The following TET1 variants were observed in gnomAD, a reference collection of about 807,000 sequenced individuals.
The protein encoded by TET1 is tet methylcytosine dioxygenase 1, also known as methylcytosine dioxygenase TET1.
Under a neutral mutation model 148.7 loss-of-function variants are expected in TET1, and 13 were observed. That is an observed-to-expected ratio of 0.09 (90% CI 0.06 to 0.14). The LOEUF (loss-of-function observed/expected upper bound fraction) is 0.14, where lower values mean the gene tolerates loss of function less well. Ranked by LOEUF, TET1 falls within the 10% of genes least tolerant of loss-of-function variation. The pLI is 1.00. For missense variants in TET1, 2,182 were observed against 2,553.8 expected, an observed-to-expected ratio of 0.85 and a Z score of 3.14; for synonymous variants, 907 against 937.2, an observed-to-expected ratio of 0.97 and a Z score of 0.59.
intron 8 of TET1, among the ~76,000 whole-genome samples, chr10:68,680,410 A>G (rs886878522): frequency 1.4e-4 from 22 of 152,122 alleles, no homozygotes; most frequent in African/African-American, 5.3e-4. Flanking sequence ...GCTTGATATC[A>G]TCTCTTGATC....
rs879291121 is a variant in TET1 at position 68,691,875 on chromosome 10, A to G, written c.*61A>G. On this transcript the variant is annotated 3_prime_UTR_variant, in exon 12 of 12. Coordinates refer to ENST00000373644, the MANE Select transcript of TET1 (RefSeq NM_030625.3). The surrounding 1 kb of genome is among the most constrained non-coding windows in gnomAD (Gnocchi z 4.4). ...CAGTGTATTTTTTCAAGGTGCTGTT[A>G]AAAGAAAGTCATGTTGTCGTTTACT... 3 of 1,517,956 alleles carry G rather than the reference A, an allele frequency of 2.0e-6. No homozygotes were observed. The highest frequency in any genetic ancestry group is 2.6e-6 in the Non-Finnish European group (3 of 1,133,724). The allele number at this position is 1,517,956 out of a possible 1,614,324, so 94.0% of individuals were successfully genotyped here.
chr10:68,631,487 TAGAC>T (rs2133028722), intron 3 of TET1, among the ~76,000 whole-genome samples: 1 of 148,102 alleles, frequency 6.8e-6, no homozygotes, highest in East Asian at 2.0e-4. Context: ...TTTGCCATGT[TAGAC>T]AGGATGATCT....
At chr10:68,663,247 G>A (rs1398793503) in intron 6 of TET1, among the ~76,000 whole-genome samples, 1 of 152,182 alleles carries the variant, frequency 6.6e-6, no homozygotes, top group Non-Finnish European at 1.5e-5. Flanking sequence ...TTTGTGGCTA[G>A]ACATTTAGGG....
intron 3 of TET1, among the ~76,000 whole-genome samples, chr10:68,611,679 T>C (rs199795073): frequency 0.37 from 29,137 of 77,882 alleles, 3,159 homozygotes; most frequent in African/African-American, 0.42. Context: ...CTTTTCTTTC[T>C]TTTCTTTTCT....
chr10:68,588,435 G>T (rs1210667894), intron 2 of TET1, among the ~76,000 whole-genome samples: 1 of 152,166 alleles, frequency 6.6e-6, no homozygotes, highest in Non-Finnish European at 1.5e-5. Flanking sequence ...ACTTGCTTAA[G>T]AACATAGTTG....
rs1056498424 is a variant in TET1 at position 68,694,460 on chromosome 10, G to T, written c.*2646G>T. 8.6e-6 allele frequency: 2 copies of T among 231,636 alleles called. No individual in the cohort carries two copies. The highest frequency in any genetic ancestry group is 4.4e-5 in the African/African-American group (2 of 45,232). 14.3% of individuals were successfully genotyped at this position (231,636 alleles called of 1,614,324 possible). A position where few individuals can be genotyped will look rare whatever the true frequency, so the allele number is the denominator to read the frequency against. On this transcript the variant is annotated 3_prime_UTR_variant, in exon 12 of 12. Coordinates refer to ENST00000373644, the MANE Select transcript of TET1 (RefSeq NM_030625.3). ...TCTCATGAAGCAAGGAAATAAATTTGTTTGAAATGACATTTTCTCTCATAA... is the reference window on the plus strand; with the variant it reads ...TCTCATGAAGCAAGGAAATAAATTTTTTTGAAATGACATTTTCTCTCATAA...
intron 3 of TET1, among the ~76,000 whole-genome samples, chr10:68,644,293 C>T (rs2133081062): frequency 6.6e-6 from 1 of 152,278 alleles, no homozygotes; most frequent in African/African-American, 2.4e-5. Context: ...CCTCCACCTC[C>T]TGTGCTGAAG....
At chr10:68,629,432 C>T (rs2054535964) in intron 3 of TET1, among the ~76,000 whole-genome samples, 2 of 151,784 alleles carry the variant, frequency 1.3e-5, no homozygotes, top group South Asian at 4.2e-4. Context: ...GTAACTTTTA[C>T]TTTAAAATAT....
chr10:68,629,745 C>G (rs1210998614), intron 3 of TET1, among the ~76,000 whole-genome samples: 1 of 152,092 alleles, frequency 6.6e-6, no homozygotes, highest in South Asian at 2.1e-4. Context: ...ACCATGTTGG[C>G]CAGGATGGTC....
At chr10:68,641,099 A>G (rs1482504695) in intron 3 of TET1, among the ~76,000 whole-genome samples, 2 of 150,800 alleles carry the variant, frequency 1.3e-5, no homozygotes, top group African/African-American at 4.9e-5. Context: ...CATGAAGCCT[A>G]AAATATTTAC....
At chr10:68,606,506 C>G (rs578169464) in intron 3 of TET1, among the ~76,000 whole-genome samples, 1 of 151,894 alleles carries the variant, frequency 6.6e-6, no homozygotes, top group Non-Finnish European at 1.5e-5. Context: ...TTTAAACAGA[C>G]GGTTATAATG....
At chr10:68,592,997 AG>A (rs1440861854) in intron 2 of TET1, among the ~76,000 whole-genome samples, 3 of 152,072 alleles carry the variant, frequency 2.0e-5, no homozygotes, top group Non-Finnish European at 4.4e-5. Flanking sequence ...GCACTTTCAG[AG>A]GCCAAGGCAG....
chr10:68,659,822 A>T (rs2055079766), intron 6 of TET1, among the ~76,000 whole-genome samples: 1 of 152,220 alleles, frequency 6.6e-6, no homozygotes, highest in Admixed American at 6.5e-5. Flanking sequence ...GAACATACCT[A>T]TGTGACCAGT....
chr10:68,608,138 C>T (rs1023152814), intron 3 of TET1, among the ~76,000 whole-genome samples: 1 of 152,098 alleles, frequency 6.6e-6, no homozygotes, highest in Non-Finnish European at 1.5e-5. Context: ...TCATGTTGGC[C>T]AGGATGGTCT....
chr10:68,654,509 C>T (rs954589884), intron 6 of TET1, among the ~76,000 whole-genome samples: 8 of 151,642 alleles, frequency 5.3e-5, no homozygotes, highest in African/African-American at 1.5e-4. Flanking sequence ...CCCAGCTACT[C>T]GGGAGGCTGA....
At chr10:68,570,977 TTTTA>T (rs1305229121) in intron 1 of TET1, among the ~76,000 whole-genome samples, 28 of 150,926 alleles carry the variant, frequency 1.9e-4, no homozygotes, top group African/African-American at 6.8e-4. Context: ...TGTTATTTTA[TTTTA>T]TTTATTTTAT....
At chr10:68,629,296 CAG>C (rs1442463653) in intron 3 of TET1, among the ~76,000 whole-genome samples, 1 of 151,870 alleles carries the variant, frequency 6.6e-6, no homozygotes, top group Non-Finnish European at 1.5e-5. Flanking sequence ...ACTTGAGAGA[CAG>C]AGGTTGCAGT....
chr10:68,584,758 C>T (rs1351439403), intron 2 of TET1, among the ~76,000 whole-genome samples: 1 of 151,978 alleles, frequency 6.6e-6, no homozygotes, highest in Admixed American at 6.6e-5. Flanking sequence ...ACATTTTATT[C>T]CATATGCAGT....
chr10:68,687,719 G>T (rs1381079218), intron 11 of TET1, among the ~76,000 whole-genome samples: 2 of 152,066 alleles, frequency 1.3e-5, no homozygotes, highest in African/African-American at 4.8e-5. Context: ...CTCCCAAGTA[G>T]CTGAGACTGT....
Sources: gnomAD v4.1 joint callset for allele counts (sites outside exome capture counted in the v4.1 genomes callset) on GRCh38, gnomAD v4.1.1 for gene constraint, Gnocchi (gnomAD v3.1) non-coding constraint, MANE v1.5 for transcripts, NCBI Gene and HGNC (gene_info 2026-07-23, HGNC 2026-07-21) for gene names.